The following TG variants were observed in gnomAD, a reference collection of about 807,000 sequenced individuals.
TG encodes the protein thyroglobulin.
A neutral mutation model predicts 324.7 loss-of-function variants in TG; 270 were observed. That is an observed-to-expected ratio of 0.83 (90% confidence interval 0.75 to 0.92). The LOEUF (loss-of-function observed/expected upper bound fraction) is 0.92. TG is among the 40% of genes least tolerant of loss of function. TG has a pLI of 0.00. For synonymous variants in TG, 1,401 were observed against 1,327.0 expected, an observed-to-expected ratio of 1.06 and a Z score of -1.21; for missense variants, 3,591 against 3,456.4, an observed-to-expected ratio of 1.04 and a Z score of -0.98.
At chr8:132,874,517 G>C (rs1440837615) in intron 5 of TG, among the ~76,000 whole-genome samples, 1 of 152,160 alleles carries the variant, frequency 6.6e-6, no homozygotes, top group Non-Finnish European at 1.5e-5. Context: ...AATTCTCTTG[G>C]AGAACTTGAG....
At chr8:132,876,363 G>A (rs1248865382) in intron 5 of TG, among the ~76,000 whole-genome samples, 2 of 152,152 alleles carry the variant, frequency 1.3e-5, no homozygotes, top group African/African-American at 2.4e-5. Context: ...GTTTCTGGAT[G>A]GATTCTTGAG....
chr8:133,081,619 C>T (rs1297243559), intron 41 of TG, among the ~76,000 whole-genome samples: 2 of 152,194 alleles, frequency 1.3e-5, no homozygotes, highest in Non-Finnish European at 2.9e-5. Context: ...ATGTCCACCA[C>T]AACTGTCTGC....
intron 41 of TG, chr8:133,076,759 T>TAAAAAAAAA (rs35056813): frequency 3.0e-4 from 38 of 128,442 alleles, no homozygotes; most frequent in African/African-American, 1.0e-3. Context: ...GATTTAGCTG[T>TAAAAAAAAA]AAAAAAAAAA....
At chr8:133,076,682 C>T (rs1844916535) in intron 41 of TG, 1 of 149,608 alleles carries the variant, frequency 6.7e-6, no homozygotes, top group Non-Finnish European at 1.5e-5. Context: ...ACAGATGAAG[C>T]TCTGAATTTA....
intron 41 of TG, chr8:133,045,206 A>T (rs1202252693): frequency 3.3e-5 from 44 of 1,346,686 alleles, no homozygotes; most frequent in Non-Finnish European, 2.1e-5. Flanking sequence ...AGGCAGGGAG[A>T]CCTGCCCACC....
chr8:133,077,679 C>G (rs928543682), intron 41 of TG, among the ~76,000 whole-genome samples: 1 of 151,988 alleles, frequency 6.6e-6, no homozygotes, highest in Non-Finnish European at 1.5e-5. Flanking sequence ...TAACCCCAAG[C>G]GGGGTCTCAG....
At chr8:132,945,883 A>G (rs558136331) in intron 26 of TG, among the ~76,000 whole-genome samples, 83 of 152,276 alleles carry the variant, frequency 5.5e-4, no homozygotes, top group Admixed American at 1.1e-3. Flanking sequence ...TTTAGCTCAC[A>G]GTGGTTGAGG....
intron 10 of TG, among the ~76,000 whole-genome samples, chr8:132,890,619 C>A (rs1816095213): frequency 6.6e-6 from 1 of 152,204 alleles, no homozygotes; most frequent in African/African-American, 2.4e-5. Context: ...GCTCTGTGAC[C>A]TAAGAGAGGC....
In TG at chr8:132,989,675, G is replaced by A. The variant is rs140711009; in HGVS notation, c.6262+6263G>A. Among the ~76,000 whole-genome samples the A allele has an allele frequency of 1.8e-3, 270 of 152,264 alleles. 2 individuals carry two copies. Among genetic ancestry groups the A allele is most frequent in the African/African-American group, 6.3e-3 (260 of 41,550 alleles). On this transcript the variant is annotated intron_variant, in intron 35 of 47. Transcript: ENST00000220616. ...GAAAAGGAATCAACTTTGTCTGCTT[G>A]GCCTCCATCCTGTGCCTTTGCCTGT... is the stretch of plus-strand genomic sequence containing the variant.
At chr8:133,056,841 A>G (rs1564128950) in intron 41 of TG, among the ~76,000 whole-genome samples, 2 of 152,158 alleles carry the variant, frequency 1.3e-5, no homozygotes, top group Non-Finnish European at 1.5e-5. Flanking sequence ...GGGCAGGACT[A>G]AAAGCTGGTC....
chr8:132,993,352 C>T (rs1832563215), intron 35 of TG, among the ~76,000 whole-genome samples: 1 of 152,170 alleles, frequency 6.6e-6, no homozygotes, highest in Non-Finnish European at 1.5e-5. Flanking sequence ...TGAACCCTCC[C>T]TTTGGCACTC....
At chr8:133,084,993 A>G (rs1846303380) in intron 41 of TG, among the ~76,000 whole-genome samples, 5 of 152,152 alleles carry the variant, frequency 3.3e-5, no homozygotes, top group Admixed American at 3.3e-4. Flanking sequence ...TCTGAGCCTC[A>G]CTCTTTAATA....
Position 132,908,309 on chromosome 8 carries a change from A to C in TG, c.3971A>C (p.Glu1324Ala). Residue 1324 changes from glutamate (E) to alanine (A), a missense_variant, in exon 18 of 48, where the codon GAG becomes GCG. Physicochemically the swap from Glu to Ala is moderately radical, Grantham distance 107 (BLOSUM62 -1). Coordinates refer to ENST00000220616, the MANE Select transcript of TG (RefSeq NM_003235.5). ...LQTFQVFILDELTARGFCQIQ... is the reference protein window; with the variant it reads ...LQTFQVFILDALTARGFCQIQ... Reference sequence around the variant, plus strand: ...ACTTTCCAGGTTTTCATATTGGATGAGCTGACAGCCCGCGGCTTCTGCCAG... The same window carrying C: ...ACTTTCCAGGTTTTCATATTGGATGCGCTGACAGCCCGCGGCTTCTGCCAG... The C allele has an allele frequency of 1.9e-6, 3 of 1,613,270 alleles. No homozygotes were observed. Among genetic ancestry groups the C allele is most frequent in the Non-Finnish European group, 2.5e-6 (3 of 1,179,770 alleles).
In TG at chr8:133,029,590, T is replaced by A. The variant is rs559441989; in HGVS notation, c.7037-231T>A. Reference sequence around the variant, plus strand: ...CTGGCAAAGGAGAGGTACAAGAACATGATCAAGGTCTCCTAGCTGGCTAGC... The same window carrying A: ...CTGGCAAAGGAGAGGTACAAGAACAAGATCAAGGTCTCCTAGCTGGCTAGC... On this transcript the variant is annotated intron_variant, in intron 40 of 47. Transcript: ENST00000220616. Among the ~76,000 whole-genome samples, 3 of 152,268 alleles carry A rather than the reference T, an allele frequency of 2.0e-5. No homozygotes were observed. In the South Asian group the frequency reaches 6.2e-4, roughly 32 times the overall value.
rs1483939594 is a variant in TG, at chr8:132,886,737, T to C, written c.1365T>C (p.Arg455=). The part of the protein sequence containing the change: ...RAIFPSRGLA[R]LALQFTTNPK... Reference sequence around the variant, plus strand: ...TTTTTCCCTCCCGAGGGCTGGCTCGTCTTGCCCTTCAGTTTACCACCAACC... The same window carrying C: ...TTTTTCCCTCCCGAGGGCTGGCTCGCCTTGCCCTTCAGTTTACCACCAACC... The change falls in exon 9 of 48, where the codon CGT becomes CGC. Residue 455 remains arginine (R), a synonymous_variant. Coordinates refer to ENST00000220616, the MANE Select transcript of TG (RefSeq NM_003235.5). 1 of 1,614,074 alleles carries C rather than the reference T, an allele frequency of 6.2e-7. No individual in the cohort carries two copies. Among genetic ancestry groups the C allele is most frequent in the African/African-American group, 1.3e-5 (1 of 74,932 alleles).
intron 5 of TG, among the ~76,000 whole-genome samples, chr8:132,881,484 A>T (rs896284549): frequency 2.0e-5 from 3 of 152,176 alleles, no homozygotes; most frequent in African/African-American, 7.2e-5. Context: ...TGTAAAGCAG[A>T]CTTGGCCTTT....
chr8:132,876,509 G>C (rs776122035), intron 5 of TG, among the ~76,000 whole-genome samples: 30 of 152,162 alleles, frequency 2.0e-4, no homozygotes, highest in Non-Finnish European at 3.4e-4. Context: ...GGAATCCTGT[G>C]GGCAGCTCAT....
intron 34 of TG, among the ~76,000 whole-genome samples, chr8:132,976,572 G>T (rs1435268048): frequency 6.6e-6 from 1 of 152,198 alleles, no homozygotes; most frequent in Non-Finnish European, 1.5e-5. Flanking sequence ...TCCCCAAGCA[G>T]GTGGTCTTTC....
chr8:132,930,683 C>CAA (rs34491481), intron 23 of TG, among the ~76,000 whole-genome samples: 24 of 128,948 alleles, frequency 1.9e-4, no homozygotes, highest in African/African-American at 6.7e-4. Context: ...GAAACTCCGT[C>CAA]AAAAAAAAAA....
Sources: allele counts gnomAD v4.1 joint callset (sites outside exome capture counted in the v4.1 genomes callset), GRCh38; gene constraint gnomAD v4.1.1; transcripts MANE v1.5; gene names NCBI Gene and HGNC (gene_info 2026-07-23, HGNC 2026-07-21).